Variants in HS3ST4 observed in about 807,000 individuals in gnomAD.
HS3ST4 encodes the protein heparan sulfate-glucosamine 3-sulfotransferase 4, also known as heparan sulfate glucosamine 3-O-sulfotransferase 4.
A neutral mutation model predicts 29.2 loss-of-function variants in HS3ST4; 17 were observed. The ratio of observed to expected loss-of-function variants is 0.58; its 90% CI spans 0.40 to 0.87. HS3ST4 has a LOEUF of 0.87. Among genes scored for constraint, HS3ST4 ranks in the 40% least tolerant of loss-of-function variants. HS3ST4 has a pLI of 0.00. For synonymous variants in HS3ST4, 314 were observed against 285.7 expected, an observed-to-expected ratio of 1.10 and a Z score of -1.00; for missense variants, 627 against 634.5, an observed-to-expected ratio of 0.99 and a Z score of 0.13.
At chr16:25,976,533 A>G (rs1335626104) in intron 1 of HS3ST4, among the ~76,000 whole-genome samples, 1 of 151,852 alleles carries the variant, frequency 6.6e-6, no homozygotes, top group Non-Finnish European at 1.5e-5. Flanking sequence ...CTTCCTGCAA[A>G]CACGTTTGTG....
rs76969728 is a variant in HS3ST4, at chr16:26,103,118, T to C, written c.735-32494T>C. ...GCAAGGGAGCCTGGGAAATATAGTC[T>C]ATATGTCCAGGAGAAGGAGAAAGTG... On this transcript the variant is annotated intron_variant, in intron 1 of 1. Transcript: ENST00000331351. 4.0e-3 allele frequency among the ~76,000 whole-genome samples: 614 copies of C among 152,252 alleles called. 6 individuals are homozygous for C. The highest frequency in any genetic ancestry group is 0.014 in the African/African-American group (590 of 41,552).
chr16:25,985,613 C>A (rs116465222), intron 1 of HS3ST4, among the ~76,000 whole-genome samples: 18 of 152,006 alleles, frequency 1.2e-4, no homozygotes, highest in Admixed American at 1.0e-3. Context: ...CTCCTCCCCC[C>A]CTTTAAAAAT....
intron 1 of HS3ST4, among the ~76,000 whole-genome samples, chr16:26,058,732 A>G (rs1030494179): frequency 6.6e-6 from 1 of 151,956 alleles, no homozygotes. Context: ...GGAAGCAGAT[A>G]CTCTGGAATC....
intron 1 of HS3ST4, among the ~76,000 whole-genome samples, chr16:25,744,858 C>T (rs944787578): frequency 6.6e-6 from 1 of 152,196 alleles, no homozygotes; most frequent in African/African-American, 2.4e-5. Flanking sequence ...TGAATTGCTC[C>T]TCCTTGCCTT....
intron 1 of HS3ST4, among the ~76,000 whole-genome samples, chr16:26,121,957 T>A (rs1441478985): frequency 6.6e-6 from 1 of 152,128 alleles, no homozygotes; most frequent in Non-Finnish European, 1.5e-5. Flanking sequence ...TATTTCACAA[T>A]CAGGGAAAAT....
intron 1 of HS3ST4, among the ~76,000 whole-genome samples, chr16:25,926,057 T>TGA (rs56928828): frequency 0.12 from 18,118 of 152,074 alleles, 1,226 homozygotes; most frequent in African/African-American, 0.17. Flanking sequence ...AAAAAAAAGT[T>TGA]GATCAAGGTT....
At chr16:26,121,274 G>A (rs1899273612) in intron 1 of HS3ST4, among the ~76,000 whole-genome samples, 1 of 152,190 alleles carries the variant, frequency 6.6e-6, no homozygotes, top group Admixed American at 6.5e-5. Flanking sequence ...ATAGCTATAA[G>A]CAGTCAATAA....
intron 1 of HS3ST4, among the ~76,000 whole-genome samples, chr16:26,014,829 A>G (rs1300351891): frequency 6.6e-6 from 1 of 152,178 alleles, no homozygotes; most frequent in African/African-American, 2.4e-5. Flanking sequence ...TGACTTTACC[A>G]TCATAATATA....
chr16:25,910,256 T>G (rs1019755454), intron 1 of HS3ST4, among the ~76,000 whole-genome samples: 47 of 152,166 alleles, frequency 3.1e-4, no homozygotes, highest in African/African-American at 1.1e-3. Context: ...ACAATAAATA[T>G]TTTGGGCTTT....
rs55722050 is a variant in HS3ST4 at position 26,113,470 on chromosome 16, ATGTGTG to A, written c.735-22108_735-22103del. 2.2e-3 allele frequency among the ~76,000 whole-genome samples: 287 copies of A among 132,208 alleles called. 1 individual carries two copies. The highest frequency in any genetic ancestry group is 7.3e-3 in the South Asian group (28 of 3,810). The allele number at this position is 132,208 out of a possible 152,430, so 86.7% of individuals were successfully genotyped here. A position where few individuals can be genotyped will look rare whatever the true frequency, so the allele number is the denominator to read the frequency against. On this transcript the variant is annotated intron_variant, in intron 1 of 1. Transcript: ENST00000331351. ...CAAAAAAAAGAAAATACAATATATG[ATGTGTG>A]TGTGTGTGTGTGTGTGTGTGTGTGT...
chr16:25,706,325 G>T (rs367775861), intron 1 of HS3ST4, among the ~76,000 whole-genome samples: 1 of 152,066 alleles, frequency 6.6e-6, no homozygotes, highest in Non-Finnish European at 1.5e-5. Context: ...TCCCAGGTTG[G>T]TGTATTAACT....
intron 1 of HS3ST4, among the ~76,000 whole-genome samples, chr16:25,739,157 C>T (rs1322644476): frequency 6.6e-6 from 1 of 152,108 alleles, no homozygotes; most frequent in African/African-American, 2.4e-5. Context: ...GCCTGGCCAA[C>T]ATGGAGAAAC....
At chr16:25,946,103 A>G (rs890465591) in intron 1 of HS3ST4, among the ~76,000 whole-genome samples, 14 of 152,286 alleles carry the variant, frequency 9.2e-5, no homozygotes, top group Admixed American at 7.9e-4. Context: ...TCTGCTGTTC[A>G]AGAAACTCAT....
At chr16:25,878,755 G>A (rs967430323) in intron 1 of HS3ST4, among the ~76,000 whole-genome samples, 4 of 152,142 alleles carry the variant, frequency 2.6e-5, no homozygotes, top group Non-Finnish European at 5.9e-5. Flanking sequence ...ATTCCATTAT[G>A]TAGCATATTG....
At chr16:25,725,319 C>G (rs767403301) in intron 1 of HS3ST4, among the ~76,000 whole-genome samples, 11 of 152,142 alleles carry the variant, frequency 7.2e-5, no homozygotes, top group Non-Finnish European at 1.5e-4. Context: ...CTTACCACAA[C>G]CATATCCGAA....
intron 1 of HS3ST4, among the ~76,000 whole-genome samples, chr16:25,888,060 T>A (rs558612231): frequency 6.6e-6 from 1 of 152,260 alleles, no homozygotes; most frequent in South Asian, 2.1e-4. Flanking sequence ...TTCCATAATA[T>A]GCCTGTATGT....
chr16:26,089,080 C>T (rs77078341), intron 1 of HS3ST4, among the ~76,000 whole-genome samples: 8,957 of 152,274 alleles, frequency 0.059, 429 homozygotes, highest in Admixed American at 0.16. Context: ...TGTGTGTGCA[C>T]ACGCACACAT....
At chr16:26,080,054 A>G (rs1898707327) in intron 1 of HS3ST4, among the ~76,000 whole-genome samples, 1 of 152,162 alleles carries the variant, frequency 6.6e-6, no homozygotes, top group Non-Finnish European at 1.5e-5. Context: ...AGAAATTGGA[A>G]GAAAGGAAAT....
intron 1 of HS3ST4, among the ~76,000 whole-genome samples, chr16:26,088,596 A>AT (rs911954142): frequency 1.4e-3 from 207 of 152,350 alleles, no homozygotes; most frequent in African/African-American, 4.6e-3. Flanking sequence ...TCAGTCACAA[A>AT]TCCCCCAAAC....
Sources: allele counts gnomAD v4.1 joint callset (sites outside exome capture counted in the v4.1 genomes callset), GRCh38; gene constraint gnomAD v4.1.1; transcripts MANE v1.5; gene names NCBI Gene and HGNC (gene_info 2026-07-23, HGNC 2026-07-21).